The following TEK variants were observed in gnomAD, a reference collection of about 807,000 sequenced individuals.
The protein encoded by TEK is angiopoietin-1 receptor.
Under a neutral mutation model 131.8 loss-of-function variants are expected in TEK, and 43 were observed. The observed-to-expected ratio is 0.33, with a 90% confidence interval of 0.26 to 0.42. TEK has a LOEUF of 0.42. Ranked by LOEUF, TEK falls within the 10% of genes least tolerant of loss-of-function variation. The pLI is 1.00. For missense variants in TEK, 1,162 were observed against 1,384.4 expected, an observed-to-expected ratio of 0.84 and a Z score of 2.55; for synonymous variants, 580 against 491.6, an observed-to-expected ratio of 1.18 and a Z score of -2.38.
In TEK at chr9:27,220,158, T is replaced by G. The variant is rs756693861; in HGVS notation, c.3200+13T>G. On this transcript the variant is annotated intron_variant, in intron 21 of 22. Transcript: ENST00000380036. Reference sequence around the variant, plus strand: ...GTGATGATGAGGTGTAAGTCAGGCCTCATCCTGGGGCTATTTTGTCTTACC... The same window carrying G: ...GTGATGATGAGGTGTAAGTCAGGCCGCATCCTGGGGCTATTTTGTCTTACC... 6.2e-7 allele frequency: 1 copy of G among 1,612,982 alleles called. No individual in the cohort carries two copies. The highest frequency in any genetic ancestry group is 1.1e-5 in the South Asian group (1 of 91,050).
intron 18 of TEK, among the ~76,000 whole-genome samples, chr9:27,215,414 C>T (rs1329942863): frequency 6.6e-6 from 1 of 152,138 alleles, no homozygotes; most frequent in African/African-American, 2.4e-5. Context: ...CAGTGGCTAC[C>T]TTCTCTGGCA....
chr9:27,125,336 C>T (rs969171224), intron 1 of TEK, among the ~76,000 whole-genome samples: 2 of 152,220 alleles, frequency 1.3e-5, no homozygotes, highest in African/African-American at 4.8e-5. Flanking sequence ...CTGCCAGCTG[C>T]TTCTGGAATC....
intron 18 of TEK, among the ~76,000 whole-genome samples, chr9:27,215,562 T>G (rs1214787708): frequency 1.7e-3 from 9 of 5,386 alleles, no homozygotes; most frequent in South Asian, 9.3e-3. Context: ...GCATTAGGGT[T>G]TTTTTTTTTT....
At chr9:27,220,380 T>C (rs536587061) in intron 21 of TEK, among the ~76,000 whole-genome samples, 22 of 152,248 alleles carry the variant, frequency 1.4e-4, no homozygotes, top group South Asian at 1.0e-3. Context: ...CTTGGGAAGG[T>C]TGAAATGAGG....
intron 6 of TEK, 91 bp from the exon 7 acceptor site, chr9:27,180,149 C>A: frequency 6.3e-7 from 1 of 1,574,852 alleles, no homozygotes; most frequent in Non-Finnish European, 8.7e-7. Context: ...AAGTTGATGG[C>A]TTAGAGAGAA....
chr9:27,164,943 T>C (rs1309145951), intron 2 of TEK, among the ~76,000 whole-genome samples: 3 of 152,180 alleles, frequency 2.0e-5, no homozygotes, highest in Admixed American at 6.6e-5. Flanking sequence ...ATAACATCAA[T>C]ATATGTGTAC....
At chr9:27,139,012 A>C (rs1396681344) in intron 1 of TEK, among the ~76,000 whole-genome samples, 1 of 151,936 alleles carries the variant, frequency 6.6e-6, no homozygotes, top group Non-Finnish European at 1.5e-5. Context: ...GATCAAGACC[A>C]TCCTGGCTAA....
At chr9:27,134,523 A>T (rs564543593) in intron 1 of TEK, among the ~76,000 whole-genome samples, 1 of 152,230 alleles carries the variant, frequency 6.6e-6, no homozygotes, top group African/African-American at 2.4e-5. Context: ...CCTAGTTTCT[A>T]TCTCTTTTAT....
At chr9:27,226,294 C>T (rs1271265166) in intron 21 of TEK, among the ~76,000 whole-genome samples, 1 of 152,204 alleles carries the variant, frequency 6.6e-6, no homozygotes, top group Non-Finnish European at 1.5e-5. Flanking sequence ...ATGTTTATTG[C>T]AGCACTGTTC....
chr9:27,114,858 G>A (rs970192330), intron 1 of TEK, among the ~76,000 whole-genome samples: 5 of 152,092 alleles, frequency 3.3e-5, no homozygotes, highest in African/African-American at 9.7e-5. Flanking sequence ...TAACATAGTC[G>A]TATTTTCTAT....
In TEK at chr9:27,190,580, T is replaced by C; in HGVS notation, c.1379T>C (p.Phe460Ser). Residue 460 changes from phenylalanine to serine, a missense_variant, in exon 10 of 23, where the codon TTT becomes TCT. Physicochemically the swap from Phe to Ser is radical, Grantham distance 155. This residue lies in a region of TEK where 477 missense variants were observed against 471.0 expected (regional missense o/e 1.01). Coordinates refer to ENST00000380036, the MANE Select transcript of TEK (RefSeq NM_000459.5). ...AACGTGATTGACACTGGACATAACTTTGCTGTCATCAACATCAGCTCTGAG... is the reference window on the plus strand; with the variant it reads ...AACGTGATTGACACTGGACATAACTCTGCTGTCATCAACATCAGCTCTGAG... ...APNVIDTGHN[F>S]AVINISSEPY... 1 of 1,614,076 alleles carries C rather than the reference T, an allele frequency of 6.2e-7. No individual in the cohort carries two copies. Among genetic ancestry groups the C allele is most frequent in the Non-Finnish European group, 8.5e-7 (1 of 1,179,930 alleles).
intron 1 of TEK, among the ~76,000 whole-genome samples, chr9:27,112,796 C>A (rs1821396958): frequency 6.6e-6 from 1 of 152,136 alleles, no homozygotes. Context: ...CAAAAAGATA[C>A]CATTTCAAAA....
Position 27,180,328 on chromosome 9 carries a change from C to G in TEK, c.990C>G (p.Leu330=), listed in dbSNP as rs1261399985. ...TGTGTGATCGCTTCCAAGGATGTCT[C>G]TGCTCTCCAGGATGGCAGGGGCTCC... ...GEMCDRFQGC[L]CSPGWQGLQC... Residue 330 remains leucine (L), a synonymous_variant, in exon 7 of 23, where the codon CTC becomes CTG. Coordinates refer to ENST00000380036, the MANE Select transcript of TEK (RefSeq NM_000459.5). 3 of 1,613,724 alleles carry G rather than the reference C, an allele frequency of 1.9e-6. No homozygotes were observed. The highest frequency in any genetic ancestry group is 2.5e-6 in the Non-Finnish European group (3 of 1,179,834).
intron 2 of TEK, among the ~76,000 whole-genome samples, chr9:27,164,413 G>A (rs1823652902): frequency 6.6e-6 from 1 of 150,672 alleles, no homozygotes. Context: ...TCCGCCTCCT[G>A]GGTTCACGCC....
chr9:27,183,692 T>A (rs1438556709), intron 8 of TEK, 82 bp downstream of exon 8: 1 of 1,550,140 alleles, frequency 6.5e-7, no homozygotes, highest in Non-Finnish European at 8.9e-7. Context: ...ATAGATACCA[T>A]TCAGTGCTTT....
At chr9:27,186,767 C>G (rs1824614545) in intron 9 of TEK, among the ~76,000 whole-genome samples, 1 of 152,142 alleles carries the variant, frequency 6.6e-6, no homozygotes, top group South Asian at 2.1e-4. Context: ...CATTAGTAAT[C>G]TCTTGGGAGA....
At chr9:27,213,707 TA>T (rs2131230110) in intron 18 of TEK, 110 bp downstream of exon 18, 1 of 807,380 alleles carries the variant, frequency 1.2e-6, no homozygotes, top group South Asian at 1.4e-5. Flanking sequence ...CATCTGACTG[TA>T]TGTCCCAGTA....
chr9:27,224,643 C>T (rs79459901), intron 21 of TEK, among the ~76,000 whole-genome samples: 7 of 152,160 alleles, frequency 4.6e-5, no homozygotes, highest in African/African-American at 7.2e-5. Flanking sequence ...AACCCACAGC[C>T]AGTATCACAC....
chr9:27,227,122 C>T (rs1255678963), intron 21 of TEK, among the ~76,000 whole-genome samples: 3 of 152,184 alleles, frequency 2.0e-5, no homozygotes, highest in South Asian at 4.1e-4. Flanking sequence ...GTTCTGGGAT[C>T]TGTGACACCC....
Sources: allele counts gnomAD v4.1 joint callset (sites outside exome capture counted in the v4.1 genomes callset), GRCh38; gene constraint gnomAD v4.1.1; regional missense constraint gnomAD v4.1.1; transcripts MANE v1.5; gene names NCBI Gene and HGNC (gene_info 2026-07-23, HGNC 2026-07-21).